Variants in ADAMTS8 observed in about 807,000 individuals in gnomAD.
ADAMTS8 encodes the protein A disintegrin and metalloproteinase with thrombospondin motifs 8.
Under a neutral mutation model 64.4 loss-of-function variants are expected in ADAMTS8, and 50 were observed. That is an observed-to-expected ratio of 0.78 (90% CI 0.62 to 0.98). The LOEUF is 0.98. Among genes scored for constraint, ADAMTS8 ranks in the 50% least tolerant of loss-of-function variants. The pLI is 0.00. For missense variants in ADAMTS8, 1,192 were observed against 1,208.2 expected (o/e 0.99, Z 0.20); for synonymous variants, 556 against 533.6 (o/e 1.04, Z -0.58).
In ADAMTS8 at chr11:130,416,436, C is replaced by T; in HGVS notation, c.1097-106G>A. On this transcript the variant is annotated intron_variant, in intron 3 of 8. Transcript: ENST00000257359. This position sits in a 1 kb window ranked among gnomAD's most constrained non-coding sequence, Gnocchi z 4.8. The stretch of plus-strand genomic sequence containing the variant: ...CTCCTCAGGGGAGCAGCCACCCCCT[C>T]ACTCTCCGAAGATTTCTGCGTAGGG... The T allele has an allele frequency of 7.8e-7, 1 of 1,286,006 alleles. No individual in the cohort carries two copies. The highest frequency in any genetic ancestry group is 1.0e-6 in the Non-Finnish European group (1 of 963,212). 79.7% of individuals were successfully genotyped at this position (1,286,006 alleles called of 1,614,324 possible).
chr11:130,405,264 G>T lies in ADAMTS8; in HGVS notation c.*294C>A. 8.4e-7 allele frequency: 1 copy of T among 1,193,432 alleles called. No homozygotes were observed. Among genetic ancestry groups the T allele is most frequent in the Non-Finnish European group, 1.0e-6 (1 of 962,478 alleles). 73.9% of individuals were successfully genotyped at this position (1,193,432 alleles called of 1,614,324 possible). A position where few individuals can be genotyped will look rare whatever the true frequency, so the allele number is the denominator to read the frequency against. On this transcript the variant is annotated 3_prime_UTR_variant, in exon 9 of 9. Transcript: ENST00000257359. ...AGTCCTTTGCAAACAGACTGACGCTGAGTGTCCTGTCTGAGTCAATAAGTG... is the reference window on the plus strand; with the variant it reads ...AGTCCTTTGCAAACAGACTGACGCTTAGTGTCCTGTCTGAGTCAATAAGTG...
chr11:130,411,575 G>T lies in ADAMTS8; in HGVS notation c.1592C>A (p.Pro531Gln). The T allele has an allele frequency of 1.2e-6, 2 of 1,614,066 alleles. No homozygotes were observed. Among genetic ancestry groups the T allele is most frequent in the Non-Finnish European group, 1.7e-6 (2 of 1,180,000 alleles). ...AGAACATTCTCCCCAGGGTCCCCAC[G>T]GTGCCCAGCCTCCATCTGCCACGGG... is the stretch of plus-strand genomic sequence containing the variant. Reference protein sequence around the residue: ...PKPVADGGWAPWGPWGECSRT... With the variant: ...PKPVADGGWAQWGPWGECSRT... Residue 531 changes from proline to glutamine, a missense_variant, in exon 6 of 9, where the codon CCG becomes CAG. Pro to Gln is a moderately conservative substitution (Grantham distance 76). Around this residue, in one of 5 missense-constraint regions of ADAMTS8, gnomAD observed 290 missense variants for 297.8 expected, o/e 0.97. Coordinates refer to ENST00000257359, the MANE Select transcript of ADAMTS8 (RefSeq NM_007037.6). The surrounding 1 kb of genome is among the most constrained non-coding windows in gnomAD (Gnocchi z 4.2).
chr11:130,424,727 C>G (rs1442866721), intron 1 of ADAMTS8, among the ~76,000 whole-genome samples: 4 of 152,104 alleles, frequency 2.6e-5, no homozygotes, highest in Non-Finnish European at 5.9e-5. Flanking sequence ...TTTTCGGAAG[C>G]GCAGGGGACT....
intron 6 of ADAMTS8, among the ~76,000 whole-genome samples, chr11:130,409,981 T>C (rs896256111): frequency 6.6e-6 from 1 of 152,236 alleles, no homozygotes; most frequent in Non-Finnish European, 1.5e-5. Context: ...TCCCAGATAC[T>C]GTGTCAGCCT....
chr11:130,425,059 C>A (rs1251571377), intron 1 of ADAMTS8, among the ~76,000 whole-genome samples: 1 of 152,072 alleles, frequency 6.6e-6, no homozygotes, highest in East Asian at 1.9e-4. Flanking sequence ...GTGCAGGTGC[C>A]AATGTGCAGC....
chr11:130,427,801 C>T lies in ADAMTS8; in HGVS notation c.486G>A (p.Pro162=), dbSNP rs755466395. The part of the protein sequence containing the change: ...RWGPAGARPL[P]RGPEWEVETG... ...TCTCCACCTCCCACTCGGGTCCTCG[C>T]GGGAGGGGGCGGGCTCCGGCGGGAC... is the stretch of plus-strand genomic sequence containing the variant. The change falls in exon 1 of 9, where the codon CCG becomes CCA. Residue 162 remains proline (P), a synonymous_variant. Transcript: ENST00000257359. The T allele has an allele frequency of 4.0e-5, 63 of 1,572,354 alleles. No individual in the cohort carries two copies. The highest frequency in any genetic ancestry group is 5.3e-5 in the Non-Finnish European group (61 of 1,160,764).
In ADAMTS8 at chr11:130,416,190, G is replaced by C. The variant is rs1862021518; in HGVS notation, c.1237C>G (p.Leu413Val). Residue 413 changes from leucine to valine, a missense_variant, in exon 4 of 9, where the codon CTC (leucine) becomes GTC (valine). Physicochemically the swap from Leu to Val is conservative, Grantham distance 32 (BLOSUM62 1). This residue lies in a region of ADAMTS8 where 741 missense variants were observed against 710.6 expected (regional missense o/e 1.04). Coordinates refer to ENST00000257359, the MANE Select transcript of ADAMTS8 (RefSeq NM_007037.6). This position sits in a 1 kb window ranked among gnomAD's most constrained non-coding sequence, Gnocchi z 4.8. ...LPWSPCSAMY[L>V]TELLDGGHGD... ...TGCCCGCCGTCCAGAAGCTCTGTGA[G>C]ATACATGGCGCTGCAGGGGGACCAG... The C allele has an allele frequency of 6.3e-7, 1 of 1,595,540 alleles. No individual in the cohort carries two copies. Among genetic ancestry groups the C allele is most frequent in the Admixed American group, 1.7e-5 (1 of 58,030 alleles).
intron 1 of ADAMTS8, among the ~76,000 whole-genome samples, chr11:130,423,940 C>G (rs1862131130): frequency 6.6e-6 from 1 of 152,128 alleles, no homozygotes; most frequent in Admixed American, 6.5e-5. Context: ...AGACAGGGGC[C>G]CCTTTTCTCA....
At chr11:130,410,168 C>T (rs1861935100) in intron 6 of ADAMTS8, among the ~76,000 whole-genome samples, 1 of 152,204 alleles carries the variant, frequency 6.6e-6, no homozygotes, top group South Asian at 2.1e-4. Context: ...TCCGCTCACC[C>T]AGCCTTTCCT....
chr11:130,427,703 G>A lies in ADAMTS8; in HGVS notation c.584C>T (p.Ala195Val), dbSNP rs1277655510. 2.5e-6 allele frequency: 4 copies of A among 1,595,672 alleles called. No homozygotes were observed. Among genetic ancestry groups the A allele is most frequent in the African/African-American group, 1.3e-5 (1 of 74,580 alleles). The part of the protein sequence containing the change: ...DSEEESQEEE[A>V]EGASEPPPPL... Reference sequence around the variant, plus strand: ...CGGTGGCGGCTCGCTAGCGCCTTCTGCCTCCTCTTCTTGGCTCTCCTCCTC... The same window carrying A: ...CGGTGGCGGCTCGCTAGCGCCTTCTACCTCCTCTTCTTGGCTCTCCTCCTC... The change falls in exon 1 of 9, where the codon GCA (alanine) becomes GTA (valine). Residue 195 changes from alanine to valine, a missense_variant. Ala to Val is a moderately conservative substitution (Grantham distance 64). This residue lies in a region of ADAMTS8 where 741 missense variants were observed against 710.6 expected (regional missense o/e 1.04). Transcript: ENST00000257359.
At chr11:130,412,274 C>T (rs973425722) in intron 5 of ADAMTS8, among the ~76,000 whole-genome samples, 4 of 152,208 alleles carry the variant, frequency 2.6e-5, no homozygotes, top group African/African-American at 4.8e-5. Context: ...AGTTCAAAGG[C>T]GTGATCTCGG....
rs973059600 is a variant in ADAMTS8 at position 130,408,895 on chromosome 11, T to C, written c.1796A>G (p.Asn599Ser). The C allele has an allele frequency of 3.7e-6, 6 of 1,602,298 alleles. No homozygotes were observed. The highest frequency in any genetic ancestry group is 5.1e-6 in the Non-Finnish European group (6 of 1,174,894). ...EQQCEKYNAY[N>S]YTDMDGNLLQ... ...GAGATTCCCGTCCATGTCAGTGTAA[T>C]TGTAGGCATTATACTTCTCACACTG... Residue 599 changes from asparagine (N) to serine (S), a missense_variant, in exon 7 of 9, where the codon AAT becomes AGT. By Grantham distance (46) the Asn-to-Ser change is conservative (BLOSUM62 1). Coordinates refer to ENST00000257359, the MANE Select transcript of ADAMTS8 (RefSeq NM_007037.6).
chr11:130,412,445 C>T (rs1474602197), intron 5 of ADAMTS8, among the ~76,000 whole-genome samples: 1 of 151,946 alleles, frequency 6.6e-6, no homozygotes, highest in Non-Finnish European at 1.5e-5. Flanking sequence ...AACTCCTGAC[C>T]TCAAGTGATC....
In ADAMTS8 at chr11:130,411,459, C is replaced by G. The variant is rs774851187; in HGVS notation, c.1708G>C (p.Ala570Pro). The stretch of plus-strand genomic sequence containing the variant: ...TCCGTGTGGCATGACTGGTACTTGG[C>G]TCTCCGACCCAGGCAGTATCTTCCT... ...NGGRYCLGRR[A>P]KYQSCHTEEC... The change falls in exon 6 of 9, where the codon GCC becomes CCC. Residue 570 changes from alanine (A) to proline (P), a missense_variant. Physicochemically the swap from Ala to Pro is conservative, Grantham distance 27. Coordinates refer to ENST00000257359, the MANE Select transcript of ADAMTS8 (RefSeq NM_007037.6). The surrounding 1 kb of genome is among the most constrained non-coding windows in gnomAD (Gnocchi z 4.2). 6.2e-7 allele frequency: 1 copy of G among 1,614,172 alleles called. No individual in the cohort carries two copies. The highest frequency in any genetic ancestry group is 8.5e-7 in the Non-Finnish European group (1 of 1,180,012).
At position 130,416,898 on chromosome 11, in the gene ADAMTS8, C is replaced by T. The variant is rs1862032917; in HGVS notation, c.1096+42G>A. On this transcript the variant is annotated intron_variant, in intron 3 of 8. Coordinates refer to ENST00000257359, the MANE Select transcript of ADAMTS8 (RefSeq NM_007037.6). This position sits in a 1 kb window ranked among gnomAD's most constrained non-coding sequence, Gnocchi z 4.8. ...AACCTTGGATCTGGAAGAGCAGTTC[C>T]CTCCGATGTGGTGAAGTGGGCTTTG... is the stretch of plus-strand genomic sequence containing the variant. The T allele has an allele frequency of 6.2e-7, 1 of 1,613,370 alleles. No homozygotes were observed. Among genetic ancestry groups the T allele is most frequent in the Non-Finnish European group, 8.5e-7 (1 of 1,179,540 alleles).
chr11:130,419,415 A>C, intron 1 of ADAMTS8, 123 bp from the exon 2 acceptor site: 6 of 1,373,670 alleles, frequency 4.4e-6, no homozygotes, highest in Non-Finnish European at 6.0e-6. Flanking sequence ...CCAAAGCCTC[A>C]CAATACCCCC....
Position 130,428,415 on chromosome 11 carries a change from C to G in ADAMTS8, c.-129G>C. ...CGGAATCAATCGGGTGCAAGGCCGA[C>G]TCGGCCCGCGGGGCCCGGCGGCGGG... On this transcript the variant is annotated 5_prime_UTR_variant, in exon 1 of 9. Coordinates refer to ENST00000257359, the MANE Select transcript of ADAMTS8 (RefSeq NM_007037.6). 1 of 1,101,748 alleles carries G rather than the reference C, an allele frequency of 9.1e-7. No individual in the cohort carries two copies. Among genetic ancestry groups the G allele is most frequent in the Non-Finnish European group, 1.1e-6 (1 of 903,672 alleles). The allele number at this position is 1,101,748 out of a possible 1,614,324, so 68.2% of individuals were successfully genotyped here. A position where few individuals can be genotyped will look rare whatever the true frequency, so the allele number is the denominator to read the frequency against.
At chr11:130,414,886 C>A in intron 4 of ADAMTS8, 54 bp from the exon 5 acceptor site, 1 of 1,493,584 alleles carries the variant, frequency 6.7e-7, no homozygotes, top group South Asian at 1.3e-5. Context: ...GCCGCCCTCT[C>A]AGCTCTTCAT....
In ADAMTS8 at chr11:130,405,152, G is replaced by A. The variant is rs555377340; in HGVS notation, c.*406C>T. On this transcript the variant is annotated 3_prime_UTR_variant, in exon 9 of 9. Coordinates refer to ENST00000257359, the MANE Select transcript of ADAMTS8 (RefSeq NM_007037.6). ...ATTCACCATTGACTCCCTGCCCCAC[G>A]CCTCTCTTGTACTAATTTTTTCCCC... 5.2e-5 allele frequency: 52 copies of A among 998,404 alleles called. 1 individual carries two copies. The South Asian group carries it at 2.1e-3, about 40-fold the overall frequency. 61.8% of individuals were successfully genotyped at this position (998,404 alleles called of 1,614,324 possible).
Sources: allele counts gnomAD v4.1 joint callset (sites outside exome capture counted in the v4.1 genomes callset), GRCh38; gene constraint gnomAD v4.1.1; regional missense constraint gnomAD v4.1.1; non-coding constraint Gnocchi (gnomAD v3.1); transcripts MANE v1.5; gene names NCBI Gene and HGNC (gene_info 2026-07-23, HGNC 2026-07-21).